BICC1: variants seen among roughly 807,000 people sequenced by gnomAD.
BICC1 encodes the protein BicC family RNA binding protein 1.
Under a neutral mutation model 111.0 loss-of-function variants are expected in BICC1, and 43 were observed. The ratio of observed to expected loss-of-function variants is 0.39; its 90% CI spans 0.30 to 0.50. BICC1 has a LOEUF of 0.50. Among genes scored for constraint, BICC1 ranks in the 20% least tolerant of loss-of-function variants. BICC1 has a pLI of 0.88. For synonymous variants in BICC1, 467 were observed against 434.4 expected (o/e 1.07, Z -0.93); for missense variants, 1,091 against 1,203.2 (o/e 0.91, Z 1.38).
At chr10:58,540,976 C>G (rs1327128450) in intron 1 of BICC1, among the ~76,000 whole-genome samples, 4 of 152,080 alleles carry the variant, frequency 2.6e-5, no homozygotes, top group South Asian at 4.2e-4. Context: ...TCAATTGATG[C>G]AGAAGAAGCA....
At chr10:58,519,361 T>G (rs938855589) in intron 1 of BICC1, among the ~76,000 whole-genome samples, 1 of 152,208 alleles carries the variant, frequency 6.6e-6, no homozygotes, top group Non-Finnish European at 1.5e-5. Flanking sequence ...ACTCTGGGAA[T>G]GTATCTTCTT....
chr10:58,596,032 C>T (rs547906261), intron 1 of BICC1, among the ~76,000 whole-genome samples: 71 of 152,232 alleles, frequency 4.7e-4, no homozygotes, highest in African/African-American at 1.6e-3. Flanking sequence ...GGGGATATCA[C>T]CCCTGATCCC....
At chr10:58,797,805 GAAC>G (rs967305109) in intron 10 of BICC1, among the ~76,000 whole-genome samples, 8 of 151,648 alleles carry the variant, frequency 5.3e-5, no homozygotes, top group Non-Finnish European at 8.8e-5. Flanking sequence ...TGACTCCTTA[GAAC>G]AACAACAACA....
chr10:58,798,841 A>G (rs1045661769), intron 11 of BICC1, among the ~76,000 whole-genome samples: 2 of 152,186 alleles, frequency 1.3e-5, no homozygotes, highest in African/African-American at 4.8e-5. Context: ...ACATCTGTAC[A>G]ATGAGAGGGT....
At chr10:58,797,614 G>A (rs1261277192) in intron 10 of BICC1, among the ~76,000 whole-genome samples, 1 of 152,108 alleles carries the variant, frequency 6.6e-6, no homozygotes, top group African/African-American at 2.4e-5. Context: ...CTGCACTACA[G>A]AGAAAACAAG....
intron 2 of BICC1, among the ~76,000 whole-genome samples, chr10:58,653,950 T>C (rs1482579325): frequency 6.6e-6 from 1 of 151,544 alleles, no homozygotes; most frequent in African/African-American, 2.4e-5. Flanking sequence ...TTTGTTCTTG[T>C]GATAGTTTAT....
chr10:58,539,577 G>A (rs1842909097), intron 1 of BICC1, among the ~76,000 whole-genome samples: 1 of 151,716 alleles, frequency 6.6e-6, no homozygotes, highest in South Asian at 2.1e-4. Context: ...TGATGAAAGG[G>A]CCAATTCACC....
At chr10:58,682,503 G>A (rs777588609) in intron 2 of BICC1, among the ~76,000 whole-genome samples, 2 of 152,136 alleles carry the variant, frequency 1.3e-5, no homozygotes, top group Admixed American at 6.5e-5. Flanking sequence ...AAGTGTTCCT[G>A]TTTCTCCACA....
chr10:58,781,590 A>G (rs1465186237), intron 3 of BICC1, among the ~76,000 whole-genome samples: 1 of 152,174 alleles, frequency 6.6e-6, no homozygotes, highest in Admixed American at 6.6e-5. Context: ...CCATCTTCTA[A>G]CCCTCTTTAT....
intron 1 of BICC1, among the ~76,000 whole-genome samples, chr10:58,616,833 A>G (rs528651903): frequency 1.6e-4 from 24 of 152,356 alleles, no homozygotes; most frequent in African/African-American, 5.8e-4. Flanking sequence ...GGCTATGTGC[A>G]TAGCCCCACC....
chr10:58,823,909 C>T, intron 20 of BICC1: 1 of 985,174 alleles, frequency 1.0e-6, no homozygotes, highest in Non-Finnish European at 1.2e-6. Context: ...TAACAAGATA[C>T]ATGTATTCAG....
At chr10:58,578,597 C>T (rs754435586) in intron 1 of BICC1, among the ~76,000 whole-genome samples, 7 of 152,250 alleles carry the variant, frequency 4.6e-5, no homozygotes, top group African/African-American at 9.6e-5. Flanking sequence ...TCCTGATGGC[C>T]GAAAACCTTG....
At chr10:58,768,055 C>T (rs891146491) in intron 3 of BICC1, among the ~76,000 whole-genome samples, 1 of 151,840 alleles carries the variant, frequency 6.6e-6, no homozygotes, top group African/African-American at 2.4e-5. Flanking sequence ...TGAAAACTTC[C>T]CATATCATGG....
chr10:58,590,213 T>G (rs1411081716), intron 1 of BICC1, among the ~76,000 whole-genome samples: 1 of 152,166 alleles, frequency 6.6e-6, no homozygotes, highest in Non-Finnish European at 1.5e-5. Context: ...CTTTTATACA[T>G]AAGTTGCCAA....
intron 18 of BICC1, among the ~76,000 whole-genome samples, chr10:58,815,880 G>T (rs1161853474): frequency 2.6e-5 from 4 of 152,092 alleles, no homozygotes; most frequent in Admixed American, 2.6e-4. Context: ...TTCTTAGGTT[G>T]TACAAAGGCT....
At chr10:58,757,206 C>G (rs1185351700) in intron 3 of BICC1, among the ~76,000 whole-genome samples, 2 of 152,014 alleles carry the variant, frequency 1.3e-5, no homozygotes, top group Non-Finnish European at 2.9e-5. Context: ...AATCAGCCAC[C>G]TTGTTGAATG....
At chr10:58,602,280 T>G (rs1390160613) in intron 1 of BICC1, among the ~76,000 whole-genome samples, 5 of 152,174 alleles carry the variant, frequency 3.3e-5, no homozygotes, top group Admixed American at 1.3e-4. Flanking sequence ...GGAATAAGAA[T>G]AAAGTTATGG....
intron 1 of BICC1, among the ~76,000 whole-genome samples, chr10:58,614,550 G>C (rs527580566): frequency 1.3e-5 from 2 of 152,212 alleles, no homozygotes; most frequent in South Asian, 4.2e-4. Flanking sequence ...TAATAAACTT[G>C]CTAAAGGTGC....
chr10:58,804,780 T>C (rs1050186986), intron 15 of BICC1, among the ~76,000 whole-genome samples: 1 of 152,174 alleles, frequency 6.6e-6, no homozygotes, highest in African/African-American at 2.4e-5. Flanking sequence ...ATTTATGTTG[T>C]TAGTGAACAG....
Sources: allele counts gnomAD v4.1 joint callset (sites outside exome capture counted in the v4.1 genomes callset), GRCh38; gene constraint gnomAD v4.1.1; transcripts MANE v1.5; gene names NCBI Gene and HGNC (gene_info 2026-07-23, HGNC 2026-07-21).